The following SHANK2 variants were observed in gnomAD, a reference collection of about 807,000 sequenced individuals.
SHANK2 encodes the protein SH3 and multiple ankyrin repeat domains 2.
Under a neutral mutation model 133.7 loss-of-function variants are expected in SHANK2, and 43 were observed. The ratio of observed to expected loss-of-function variants is 0.32; its 90% CI spans 0.25 to 0.41. The LOEUF is 0.41. Among genes scored for constraint, SHANK2 ranks in the 10% least tolerant of loss-of-function variants. The pLI, the probability that SHANK2 is intolerant of heterozygous loss-of-function variation, is 1.00. For synonymous variants in SHANK2, 1,017 were observed against 952.8 expected, an observed-to-expected ratio of 1.07 and a Z score of -1.24; for missense variants, 1,994 against 2,235.8, an observed-to-expected ratio of 0.89 and a Z score of 2.18.
rs77634379 is a variant in SHANK2 at position 71,172,240 on chromosome 11, C to T, written c.-12-24902G>A. Among the ~76,000 whole-genome samples, 243 of 152,254 alleles carry T rather than the reference C, an allele frequency of 1.6e-3. 4 individuals are homozygous for T. The East Asian group carries it at 0.041, about 25-fold the overall frequency. On this transcript the variant is annotated intron_variant, in intron 2 of 25. Coordinates refer to ENST00000601538, the MANE Select transcript of SHANK2 (RefSeq NM_012309.5). ...CCTGACCTCACACAAGGAGAAGGAG[C>T]GTCCAAGAAAGGCGTCAACCTCAAG...
intron 6 of SHANK2, among the ~76,000 whole-genome samples, chr11:71,096,603 A>G (rs1951618316): frequency 6.6e-6 from 1 of 152,178 alleles, no homozygotes; most frequent in Admixed American, 6.5e-5. Flanking sequence ...CTCGAAGGGC[A>G]CGAAAAGACT....
chr11:71,210,687 T>TC (rs1287861285), intron 2 of SHANK2, among the ~76,000 whole-genome samples: 1 of 151,492 alleles, frequency 6.6e-6, no homozygotes, highest in Non-Finnish European at 1.5e-5. Flanking sequence ...TCCACCCACT[T>TC]CCCCCCACTT....
chr11:70,718,622 C>T (rs1232256854), intron 14 of SHANK2, among the ~76,000 whole-genome samples: 4 of 152,104 alleles, frequency 2.6e-5, no homozygotes, highest in African/African-American at 7.2e-5. Context: ...ACTTCCCAAT[C>T]GGTACGTCCC....
At chr11:71,164,244 G>A (rs782415354) in intron 2 of SHANK2, among the ~76,000 whole-genome samples, 1 of 152,196 alleles carries the variant, frequency 6.6e-6, no homozygotes, top group African/African-American at 2.4e-5. Flanking sequence ...TAAAATCCCA[G>A]TACCTGGCAG....
At chr11:70,643,115 A>G (rs1555006956) in intron 17 of SHANK2, among the ~76,000 whole-genome samples, 1 of 152,036 alleles carries the variant, frequency 6.6e-6, no homozygotes, top group Admixed American at 6.5e-5. Context: ...CTCACCCTCC[A>G]CCCATCTCTT....
chr11:70,787,854 G>A (rs1591845635), intron 14 of SHANK2, among the ~76,000 whole-genome samples: 1 of 152,136 alleles, frequency 6.6e-6, no homozygotes, highest in African/African-American at 2.4e-5. Context: ...GTCCTGGGCC[G>A]GCCACCCCTG....
At chr11:70,540,553 G>C (rs376340709) in intron 17 of SHANK2, among the ~76,000 whole-genome samples, 1,538 of 113,988 alleles carry the variant, frequency 0.013, 37 homozygotes, top group African/African-American at 0.053. Context: ...CACGATTAGC[G>C]ACGGGGGGTG....
chr11:70,570,068 C>T (rs1386597738), intron 17 of SHANK2, among the ~76,000 whole-genome samples: 1 of 152,198 alleles, frequency 6.6e-6, no homozygotes, highest in African/African-American at 2.4e-5. Flanking sequence ...TCGGTTGGGC[C>T]TCATAAGCTG....
intron 11 of SHANK2, chr11:70,863,322 T>G: frequency 4.4e-6 from 2 of 458,218 alleles, no homozygotes; most frequent in South Asian, 3.1e-5. Context: ...ATGGCACAAC[T>G]GCCCAGTGCC....
chr11:70,596,232 C>G (rs1389394094), intron 17 of SHANK2, among the ~76,000 whole-genome samples: 2 of 152,208 alleles, frequency 1.3e-5, no homozygotes, highest in African/African-American at 4.8e-5. Flanking sequence ...GGCACCTGGG[C>G]CAGGGCTGGG....
chr11:70,747,872 T>C (rs1484312049), intron 14 of SHANK2, among the ~76,000 whole-genome samples: 1 of 152,202 alleles, frequency 6.6e-6, no homozygotes, highest in Non-Finnish European at 1.5e-5. Context: ...TGTGCATACA[T>C]GCACACATGA....
At position 70,814,063 on chromosome 11, in the gene SHANK2, C is replaced by T. The variant is rs1255692204; in HGVS notation, c.1493+6301G>A. Reference sequence around the variant, plus strand: ...GTCAGGCTGGGCATGGTGGCTCACCCCTGTAATCCCAGCACTTTGGCAGGC... The same window carrying T: ...GTCAGGCTGGGCATGGTGGCTCACCTCTGTAATCCCAGCACTTTGGCAGGC... On this transcript the variant is annotated intron_variant, in intron 12 of 25. Transcript: ENST00000601538. Among the ~76,000 whole-genome samples, 4 of 152,294 alleles carry T rather than the reference C, an allele frequency of 2.6e-5. No individual in the cohort carries two copies. The East Asian group carries it at 7.7e-4, about 29-fold the overall frequency.
intron 17 of SHANK2, among the ~76,000 whole-genome samples, chr11:70,643,993 C>G (rs2061224822): frequency 6.6e-6 from 1 of 152,138 alleles, no homozygotes; most frequent in Admixed American, 6.5e-5. Flanking sequence ...AGGGTCTCAG[C>G]TGACCCAAGG....
intron 2 of SHANK2, among the ~76,000 whole-genome samples, chr11:71,158,598 T>C (rs554781628): frequency 6.6e-6 from 1 of 152,328 alleles, no homozygotes; most frequent in African/African-American, 2.4e-5. Context: ...GATAGGACTG[T>C]TGGTAGAACT....
chr11:70,782,188 C>T (rs187418063), intron 14 of SHANK2, among the ~76,000 whole-genome samples: 126 of 152,288 alleles, frequency 8.3e-4, no homozygotes, highest in African/African-American at 2.9e-3. Flanking sequence ...CCTCAGCCTC[C>T]TGAGTAGCTG....
chr11:70,777,519 TCATCCATCCATC>T (rs201578144), intron 14 of SHANK2, among the ~76,000 whole-genome samples: 3 of 151,114 alleles, frequency 2.0e-5, no homozygotes, highest in East Asian at 2.0e-4. Context: ...ACCTATCCAT[TCATCCATCCATC>T]CATCCATCCA....
Position 71,109,945 on chromosome 11 carries a change from G to C in SHANK2, c.588C>G (p.Thr196=). Residue 196 remains threonine, a synonymous_variant, in exon 6 of 26, where the codon ACC becomes ACG. Transcript: ENST00000601538. ...TCCCCTCTAGCAAGTGCTCACCTCC[G>C]GTCTCCGGGTCGTGGAAATTGGGAT... is the stretch of plus-strand genomic sequence containing the variant. ...GLDPNFHDPE[T]GETPLTLAAQ... 6.5e-7 allele frequency: 1 copy of C among 1,549,434 alleles called. No individual in the cohort carries two copies. Among genetic ancestry groups the C allele is most frequent in the Non-Finnish European group, 8.7e-7 (1 of 1,144,896 alleles).
In SHANK2 at chr11:70,683,000, C is replaced by T. The variant is rs1009683925; in HGVS notation, c.1853+15688G>A. On this transcript the variant is annotated intron_variant, in intron 15 of 25. Coordinates refer to ENST00000601538, the MANE Select transcript of SHANK2 (RefSeq NM_012309.5). ...GAGAAGGGCAAAGCTGGGACGTGGC[C>T]GAGAGGGTTGGTGTGACCGCTGAGC... Among the ~76,000 whole-genome samples the T allele has an allele frequency of 7.2e-5, 11 of 152,142 alleles. No homozygotes were observed. In the South Asian group the frequency reaches 8.3e-4, roughly 12 times the overall value.
At chr11:70,784,708 C>T (rs1327483379) in intron 14 of SHANK2, among the ~76,000 whole-genome samples, 1 of 152,172 alleles carries the variant, frequency 6.6e-6, no homozygotes, top group African/African-American at 2.4e-5. Flanking sequence ...CTCTGTCTGC[C>T]TCCCTGGGAG....
Sources: allele counts gnomAD v4.1 joint callset (sites outside exome capture counted in the v4.1 genomes callset), GRCh38; gene constraint gnomAD v4.1.1; transcripts MANE v1.5; gene names NCBI Gene and HGNC (gene_info 2026-07-23, HGNC 2026-07-21).